LRP1B: variants seen among roughly 807,000 people sequenced by gnomAD.
LRP1B encodes the protein low-density lipoprotein receptor-related protein 1B.
A neutral mutation model predicts 556.6 loss-of-function variants in LRP1B; 217 were observed. The observed-to-expected ratio is 0.39, with a 90% confidence interval of 0.35 to 0.44. The LOEUF (loss-of-function observed/expected upper bound fraction) is 0.44. Ranked by LOEUF, LRP1B falls within the 20% of genes least tolerant of loss-of-function variation. LRP1B has a pLI of 1.00. For synonymous variants in LRP1B, 2,047 were observed against 1,865.8 expected (o/e 1.10, Z -2.50); for missense variants, 5,053 against 5,620.8 (o/e 0.90, Z 3.23).
At chr2:140,548,848 C>G (rs942610714) in intron 43 of LRP1B, among the ~76,000 whole-genome samples, 2 of 152,002 alleles carry the variant, frequency 1.3e-5, no homozygotes, top group Admixed American at 6.6e-5. Context: ...TCGCTTGAAC[C>G]CGGGAGGCAA....
chr2:140,746,984 G>T (rs1177167308), intron 35 of LRP1B, among the ~76,000 whole-genome samples: 2 of 152,050 alleles, frequency 1.3e-5, no homozygotes, highest in Middle Eastern at 3.2e-3. Context: ...TGGTGAAGTA[G>T]AAAAAGTATT....
chr2:141,855,725 G>A (rs1698029157), intron 1 of LRP1B, among the ~76,000 whole-genome samples: 1 of 152,070 alleles, frequency 6.6e-6, no homozygotes, highest in African/African-American at 2.4e-5. Context: ...ATATCAAGAA[G>A]CAGATGACTC....
At chr2:141,415,078 T>G (rs1375591408) in intron 3 of LRP1B, among the ~76,000 whole-genome samples, 5 of 152,328 alleles carry the variant, frequency 3.3e-5, no homozygotes, top group Admixed American at 2.6e-4. Flanking sequence ...GCAGTGGCGC[T>G]ATCTTGGCTC....
At chr2:141,916,208 T>C (rs181540758) in intron 1 of LRP1B, among the ~76,000 whole-genome samples, 1 of 151,954 alleles carries the variant, frequency 6.6e-6, no homozygotes, top group East Asian at 1.9e-4. Context: ...ATAAAGAAAA[T>C]GTGATACATA....
intron 2 of LRP1B, among the ~76,000 whole-genome samples, chr2:141,797,724 G>A (rs1278288748): frequency 6.6e-6 from 1 of 152,076 alleles, no homozygotes; most frequent in Non-Finnish European, 1.5e-5. Flanking sequence ...GTAATTTAAT[G>A]TTGGTTACGA....
At chr2:141,951,492 C>T (rs1701104151) in intron 1 of LRP1B, among the ~76,000 whole-genome samples, 1 of 152,100 alleles carries the variant, frequency 6.6e-6, no homozygotes, top group Non-Finnish European at 1.5e-5. Context: ...TTAATTTTGC[C>T]TGTCGTTGCC....
Position 141,049,236 on chromosome 2 carries a change from A to T in LRP1B, c.1553-14T>A. ...CATTCTTTGGTCCTGCAGAGGAAAG[A>T]TTACAAACACAAACAACTGATGCTG... is the stretch of plus-strand genomic sequence containing the variant. On this transcript the variant is annotated splice_polypyrimidine_tract_variant and intron_variant, in intron 10 of 90. Coordinates refer to ENST00000389484, the MANE Select transcript of LRP1B (RefSeq NM_018557.3). The T allele has an allele frequency of 6.5e-7, 1 of 1,530,142 alleles. No individual in the cohort carries two copies. Among genetic ancestry groups the T allele is most frequent in the Non-Finnish European group, 9.1e-7 (1 of 1,103,942 alleles). 94.8% of individuals were successfully genotyped at this position (1,530,142 alleles called of 1,614,324 possible).
At chr2:140,362,480 C>G (rs1682557604) in intron 72 of LRP1B, among the ~76,000 whole-genome samples, 1 of 151,642 alleles carries the variant, frequency 6.6e-6, no homozygotes, top group Admixed American at 6.6e-5. Flanking sequence ...CAAACACACA[C>G]TGTCAATTTA....
intron 1 of LRP1B, among the ~76,000 whole-genome samples, chr2:142,119,836 C>T (rs188819879): frequency 2.0e-5 from 3 of 152,194 alleles, no homozygotes; most frequent in Admixed American, 6.5e-5. Flanking sequence ...GCAAGCTTTC[C>T]TTGACAATCC....
At chr2:140,264,961 G>A (rs1201460770) in intron 86 of LRP1B, among the ~76,000 whole-genome samples, 2 of 78,910 alleles carry the variant, frequency 2.5e-5, no homozygotes, top group Admixed American at 1.2e-4. Context: ...GTTATGCAGT[G>A]AGTATATGTG....
At chr2:141,320,359 A>G (rs1687191209) in intron 3 of LRP1B, among the ~76,000 whole-genome samples, 1 of 152,086 alleles carries the variant, frequency 6.6e-6, no homozygotes, top group Non-Finnish European at 1.5e-5. Context: ...GTGTACGATT[A>G]CAAAAATTCC....
At chr2:140,536,038 A>G (rs1033594673) in intron 46 of LRP1B, among the ~76,000 whole-genome samples, 1 of 152,154 alleles carries the variant, frequency 6.6e-6, no homozygotes, top group Non-Finnish European at 1.5e-5. Flanking sequence ...AAGCCTGTCC[A>G]TATCCAAAAA....
intron 41 of LRP1B, among the ~76,000 whole-genome samples, chr2:140,699,657 T>A (rs1686559592): frequency 6.6e-6 from 1 of 151,390 alleles, no homozygotes; most frequent in African/African-American, 2.4e-5. Flanking sequence ...GGAAAAAGGT[T>A]TCCCTAAATT....
chr2:141,148,942 T>C (rs1701853125), intron 7 of LRP1B, among the ~76,000 whole-genome samples: 1 of 151,900 alleles, frequency 6.6e-6, no homozygotes, highest in Admixed American at 6.6e-5. Context: ...AAAAGTTAGC[T>C]GGGCATGGTG....
chr2:141,046,137 A>T (rs1698863507), intron 11 of LRP1B, among the ~76,000 whole-genome samples: 2 of 152,158 alleles, frequency 1.3e-5, no homozygotes, highest in Non-Finnish European at 2.9e-5. Flanking sequence ...ATTTCTTAAG[A>T]GGGAGAATCT....
chr2:141,425,914 C>G (rs1336652437), intron 3 of LRP1B, among the ~76,000 whole-genome samples: 4 of 150,098 alleles, frequency 2.7e-5, no homozygotes, highest in Non-Finnish European at 4.5e-5. Context: ...TGCAGAAGCT[C>G]TTTAGTTTAA....
intron 11 of LRP1B, among the ~76,000 whole-genome samples, chr2:141,024,740 T>C (rs1009681270): frequency 3.3e-5 from 5 of 151,986 alleles, no homozygotes; most frequent in Admixed American, 2.6e-4. Context: ...AAGATTTTAT[T>C]ACTCATGGCA....
chr2:141,782,541 T>C (rs763770970), intron 2 of LRP1B, among the ~76,000 whole-genome samples: 13 of 121,944 alleles, frequency 1.1e-4, no homozygotes, highest in Non-Finnish European at 2.2e-4. Context: ...TTTGGTAGCA[T>C]AATGCTCTAA....
chr2:141,168,748 T>C (rs753121629), intron 7 of LRP1B, among the ~76,000 whole-genome samples: 1 of 152,170 alleles, frequency 6.6e-6, no homozygotes, highest in Non-Finnish European at 1.5e-5. Context: ...CCTCATTTAC[T>C]TGGTGAAATG....
Sources: gnomAD v4.1 joint callset for allele counts (sites outside exome capture counted in the v4.1 genomes callset) on GRCh38, gnomAD v4.1.1 for gene constraint, MANE v1.5 for transcripts, NCBI Gene and HGNC (gene_info 2026-07-23, HGNC 2026-07-21) for gene names.